RETREG3: variants seen among roughly 807,000 people sequenced by gnomAD.
RETREG3 encodes the protein reticulophagy regulator 3.
RETREG3 carries 23 observed loss-of-function variants against 50.2 expected under a neutral mutation model. That is an observed-to-expected ratio of 0.46 (90% CI 0.33 to 0.65). The LOEUF is 0.65. Ranked by LOEUF, RETREG3 falls within the 30% of genes least tolerant of loss-of-function variation. The pLI is 0.02. For synonymous variants in RETREG3, 240 were observed against 234.4 expected, an observed-to-expected ratio of 1.02 and a Z score of -0.22; for missense variants, 546 against 598.0, an observed-to-expected ratio of 0.91 and a Z score of 0.91.
chr17:42,605,061 T>G (rs1257560612), intron 1 of RETREG3, among the ~76,000 whole-genome samples: 1 of 151,046 alleles, frequency 6.6e-6, no homozygotes, highest in Non-Finnish European at 1.5e-5. Context: ...ACCTCTGATA[T>G]GGCCACCATA....
chr17:42,598,531 G>GT (rs1404992909), intron 1 of RETREG3: 5 of 152,092 alleles, frequency 3.3e-5, no homozygotes, highest in African/African-American at 1.2e-4. Flanking sequence ...CCCTCCCTTT[G>GT]TTTTTTATAT....
At chr17:42,607,692 G>C (rs1228487888) in intron 1 of RETREG3, among the ~76,000 whole-genome samples, 1 of 151,584 alleles carries the variant, frequency 6.6e-6, no homozygotes, top group Non-Finnish European at 1.5e-5. Flanking sequence ...TGTAATCCCA[G>C]CTACTTGGGG....
At chr17:42,588,169 A>C (rs1359893343) in intron 2 of RETREG3, among the ~76,000 whole-genome samples, 1 of 152,202 alleles carries the variant, frequency 6.6e-6, no homozygotes, top group Non-Finnish European at 1.5e-5. Context: ...TCACCCCTTG[A>C]GTGTGTCTGG....
chr17:42,587,611 TA>T (rs2093123803), intron 3 of RETREG3: 2 of 548,122 alleles, frequency 3.6e-6, no homozygotes, highest in Non-Finnish European at 6.6e-6. Context: ...TGGGGCACTG[TA>T]ATGCTTCTTT....
chr17:42,584,212 A>G (rs992949001), intron 6 of RETREG3, among the ~76,000 whole-genome samples: 2 of 152,188 alleles, frequency 1.3e-5, no homozygotes, highest in African/African-American at 2.4e-5. Context: ...AGTGGACATG[A>G]TCAAAGAGAG....
rs144200719 is a variant in RETREG3 at position 42,588,976 on chromosome 17, A to C, written c.347-1112T>G. ...CCCAGCCTGCCTGTTCTCTTTAAAA[A>C]GAGACCCAGAGCTAGGTGTAGTGAT... On this transcript the variant is annotated intron_variant, in intron 2 of 8. Coordinates refer to ENST00000309428, the MANE Select transcript of RETREG3 (RefSeq NM_178126.4). Among the ~76,000 whole-genome samples the C allele has an allele frequency of 5.0e-3, 762 of 152,240 alleles. 8 individuals are homozygous for C. The highest frequency in any genetic ancestry group is 0.018 in the African/African-American group (734 of 41,550).
In RETREG3 at chr17:42,586,841, T is replaced by C; in HGVS notation, c.428A>G (p.His143Arg). The stretch of plus-strand genomic sequence containing the variant: ...CCCACTAACCCAGACTTCAGCTACA[T>C]GGTGGCAGAGCTCGGGCACGCTGAG... ...RLLSVPELCHHVAEVWVSGTI... is the reference protein window; with the variant it reads ...RLLSVPELCHRVAEVWVSGTI... The change falls in exon 4 of 9, where the codon CAT becomes CGT. Residue 143 changes from histidine (H) to arginine (R), a missense_variant. His to Arg is a conservative substitution (Grantham distance 29). Coordinates refer to ENST00000309428, the MANE Select transcript of RETREG3 (RefSeq NM_178126.4). The C allele has an allele frequency of 2.5e-6, 4 of 1,614,084 alleles. No individual in the cohort carries two copies. The highest frequency in any genetic ancestry group is 3.4e-6 in the Non-Finnish European group (4 of 1,179,984).
chr17:42,582,522 C>T, intron 8 of RETREG3, 152 bp downstream of exon 8: 1 of 1,248,254 alleles, frequency 8.0e-7, no homozygotes. Flanking sequence ...GCAGTGCCAT[C>T]CTGGCTGTAG....
At chr17:42,586,996 T>C (rs2093122719) in intron 3 of RETREG3, 105 bp from the exon 4 acceptor site, 1 of 1,467,266 alleles carries the variant, frequency 6.8e-7, no homozygotes, top group South Asian at 1.3e-5. Context: ...GTTTGGGGAG[T>C]GACTAGGCCC....
At chr17:42,587,911 A>G in intron 2 of RETREG3, 47 bp from the exon 3 acceptor site, 2 of 1,611,560 alleles carry the variant, frequency 1.2e-6, no homozygotes, top group Non-Finnish European at 1.7e-6. Flanking sequence ...GGGAAAACTA[A>G]ACATGAAAAT....
chr17:42,597,004 C>G (rs1014076569), intron 1 of RETREG3, among the ~76,000 whole-genome samples: 12 of 151,276 alleles, frequency 7.9e-5, no homozygotes, highest in African/African-American at 2.9e-4. Context: ...TCCCAAGTAA[C>G]TGAGATTACA....
chr17:42,597,592 TATATATATA>T (rs368989379), intron 1 of RETREG3, among the ~76,000 whole-genome samples: 1,669 of 69,920 alleles, frequency 0.024, 125 homozygotes, highest in East Asian at 0.049. Flanking sequence ...TATATATATA[TATATATATA>T]TATATATATA....
At chr17:42,585,929 A>G (rs532855848) in intron 5 of RETREG3, 124 bp downstream of exon 5, 8 of 862,416 alleles carry the variant, frequency 9.3e-6, no homozygotes, top group African/African-American at 1.7e-5. Context: ...GGTCATGAAA[A>G]TATGCAAAGG....
At chr17:42,609,425 A>C, upstream of RETREG3, 3 of 1,340,804 alleles carry the variant, frequency 2.2e-6, no homozygotes, top group Non-Finnish European at 3.0e-6. Context: ...GCTTCGCACC[A>C]CAGCGCGCTT....
At chr17:42,584,833 A>C (rs1177293641) in intron 6 of RETREG3, among the ~76,000 whole-genome samples, 2 of 151,764 alleles carry the variant, frequency 1.3e-5, no homozygotes, top group African/African-American at 2.4e-5. Flanking sequence ...AAAAAAAAAA[A>C]AAAACAAACC....
intron 6 of RETREG3, among the ~76,000 whole-genome samples, chr17:42,584,805 G>T (rs1328873675): frequency 9.6e-6 from 1 of 103,944 alleles, no homozygotes; most frequent in Non-Finnish European, 1.8e-5. Flanking sequence ...AACAGAATGA[G>T]ACCCTGTCTC....
intron 5 of RETREG3, 32 bp downstream of exon 5, chr17:42,586,021 T>C (rs1237806325): frequency 3.1e-6 from 5 of 1,604,366 alleles, no homozygotes; most frequent in Non-Finnish European, 4.3e-6. Flanking sequence ...GAGCAGGGTA[T>C]ACTTTGTAGG....
chr17:42,582,126 C>G lies in RETREG3; in HGVS notation c.1088G>C (p.Gly363Ala), dbSNP rs778157197. ...AGGTGGGGCCTGGGGCTCCTCAGCCCCTGGCGGAGAACGGTACATCAAGCT... is the reference window on the plus strand; with the variant it reads ...AGGTGGGGCCTGGGGCTCCTCAGCCGCTGGCGGAGAACGGTACATCAAGCT... ...MPSLMYRSPP[G>A]AEEPQAPPAS... The change falls in exon 9 of 9, where the codon GGG becomes GCG. Residue 363 changes from glycine to alanine, a missense_variant. By Grantham distance (60) the Gly-to-Ala change is moderately conservative (BLOSUM62 0). Transcript: ENST00000309428. 16 of 1,614,104 alleles carry G rather than the reference C, an allele frequency of 9.9e-6. No individual in the cohort carries two copies. In the South Asian group the frequency reaches 1.8e-4, roughly 18 times the overall value.
At chr17:42,582,828 G>A in intron 7 of RETREG3, 22 bp from the exon 8 acceptor site, 1 of 1,613,944 alleles carries the variant, frequency 6.2e-7, no homozygotes, top group Middle Eastern at 1.7e-4. Context: ...ACCAACAAAT[G>A]TGAGATAATG....
Sources: gnomAD v4.1 joint callset for allele counts (sites outside exome capture counted in the v4.1 genomes callset) on GRCh38, gnomAD v4.1.1 for gene constraint, MANE v1.5 for transcripts, NCBI Gene and HGNC (gene_info 2026-07-23, HGNC 2026-07-21) for gene names.